Variants in UBE2R2 observed in about 807,000 individuals in gnomAD.
UBE2R2 encodes ubiquitin conjugating enzyme E2 R2.
In UBE2R2, 1 loss-of-function variant was observed where a neutral mutation model predicts 27.8. That is an observed-to-expected ratio of 0.04 (90% CI 0.01 to 0.17). The LOEUF (loss-of-function observed/expected upper bound fraction) is 0.17. Ranked by LOEUF, UBE2R2 falls within the 10% of genes least tolerant of loss-of-function variation. The probability of loss-of-function intolerance (pLI) is 1.00; values close to 1 mark genes in which losing one functional copy is unlikely to be tolerated. For missense variants in UBE2R2, 100 were observed against 291.0 expected, an observed-to-expected ratio of 0.34 and a Z score of 4.78; for synonymous variants, 106 against 113.3, an observed-to-expected ratio of 0.94 and a Z score of 0.41.
chr9:33,884,266 C>G (rs2130793902), intron 1 of UBE2R2, among the ~76,000 whole-genome samples: 1 of 137,714 alleles, frequency 7.3e-6, no homozygotes, highest in Admixed American at 7.6e-5. Context: ...TACCCCCAAC[C>G]CCTTTATTTT....
intron 1 of UBE2R2, among the ~76,000 whole-genome samples, chr9:33,832,013 TAATA>T (rs748597970): frequency 2.0e-5 from 3 of 151,600 alleles, no homozygotes; most frequent in Non-Finnish European, 4.4e-5. Context: ...TAGCAATCAC[TAATA>T]AATTATTTAG....
At chr9:33,906,493 A>G (rs1587482090) in intron 3 of UBE2R2, among the ~76,000 whole-genome samples, 2 of 152,076 alleles carry the variant, frequency 1.3e-5, no homozygotes, top group South Asian at 4.1e-4. Flanking sequence ...GGGATGATAT[A>G]TACATGGGAG....
chr9:33,918,512 TC>T lies in UBE2R2; in HGVS notation c.*1277del, dbSNP rs1822713128. 1 of 152,066 alleles carries T rather than the reference TC, an allele frequency of 6.6e-6. No individual in the cohort carries two copies. The highest frequency in any genetic ancestry group is 2.4e-5 in the African/African-American group (1 of 41,398). 9.4% of individuals were successfully genotyped at this position (152,066 alleles called of 1,614,324 possible). On this transcript the variant is annotated 3_prime_UTR_variant, in exon 5 of 5. Coordinates refer to ENST00000263228, the MANE Select transcript of UBE2R2 (RefSeq NM_017811.4). ...TTTTAGGCCAGATAAGGCTAGATCT[TC>T]CTGCAATGCACTTGCTGCAGCTTTG...
At chr9:33,835,207 G>A (rs1189748802) in intron 1 of UBE2R2, among the ~76,000 whole-genome samples, 1 of 140,908 alleles carries the variant, frequency 7.1e-6, no homozygotes, top group Non-Finnish European at 1.5e-5. Context: ...GAGTTTAATG[G>A]CATGATCTTG....
rs146501058 is a variant in UBE2R2, at chr9:33,883,282, C to T, written c.178-3599C>T. ...TCAATTCATTGTTGACACTGTCTAC[C>T]TGGAGATAACATCAGATTCTATAGG... On this transcript the variant is annotated intron_variant, in intron 1 of 4. Transcript: ENST00000263228. Among the ~76,000 whole-genome samples, 55 of 152,154 alleles carry T rather than the reference C, an allele frequency of 3.6e-4. 1 individual carries two copies. In the East Asian group the frequency reaches 8.3e-3, roughly 23 times the overall value.
upstream of UBE2R2, among the ~76,000 whole-genome samples, chr9:33,815,988 C>T (rs1238044833): frequency 6.6e-6 from 1 of 151,980 alleles, no homozygotes; most frequent in African/African-American, 2.4e-5. Flanking sequence ...GTGGGAGAAT[C>T]GCTTGAACCT....
At chr9:33,841,382 A>G (rs1820730235) in intron 1 of UBE2R2, among the ~76,000 whole-genome samples, 1 of 152,050 alleles carries the variant, frequency 6.6e-6, no homozygotes, top group South Asian at 2.1e-4. Flanking sequence ...GCCCAGCCTT[A>G]TGTCTTTGGC....
At chr9:33,849,818 T>G (rs1453079485) in intron 1 of UBE2R2, among the ~76,000 whole-genome samples, 5 of 151,872 alleles carry the variant, frequency 3.3e-5, no homozygotes, top group African/African-American at 1.2e-4. Flanking sequence ...GCCAAGATCT[T>G]ACTACTGCGC....
chr9:33,817,990 G>T (rs561478024), intron 1 of UBE2R2, 56 bp downstream of exon 1: 1 of 1,571,050 alleles, frequency 6.4e-7, no homozygotes, highest in East Asian at 2.5e-5. Context: ...CCGGCTCCCC[G>T]CCGCTTTCTG....
chr9:33,840,058 T>G (rs1026208865), intron 1 of UBE2R2, among the ~76,000 whole-genome samples: 17 of 152,162 alleles, frequency 1.1e-4, no homozygotes, highest in Non-Finnish European at 1.3e-4. Context: ...TATAGCAGCT[T>G]GAATGAACTA....
chr9:33,861,871 T>TA (rs1821245391), intron 1 of UBE2R2, among the ~76,000 whole-genome samples: 1 of 147,636 alleles, frequency 6.8e-6, no homozygotes. Flanking sequence ...TTTTTTTTTT[T>TA]AAGACGGAGT....
chr9:33,859,921 C>G (rs1821192003), intron 1 of UBE2R2, among the ~76,000 whole-genome samples: 2 of 151,850 alleles, frequency 1.3e-5, no homozygotes, highest in South Asian at 4.2e-4. Flanking sequence ...ATCTTTCTAC[C>G]TCACCTTCCC....
chr9:33,920,356 A>G lies in UBE2R2; in HGVS notation c.*3119A>G, dbSNP rs982467923. ...TTTGTCTTTTTCTGCCCATCTGTCT[A>G]CTAATAAAATGTGAAATAAAATACC... On this transcript the variant is annotated 3_prime_UTR_variant, in exon 5 of 5. Coordinates refer to ENST00000263228, the MANE Select transcript of UBE2R2 (RefSeq NM_017811.4). The G allele has an allele frequency of 2.1e-5, 3 of 143,036 alleles. No homozygotes were observed. Among genetic ancestry groups the G allele is most frequent in the Non-Finnish European group, 4.4e-5 (3 of 67,562 alleles). 8.9% of individuals were successfully genotyped at this position (143,036 alleles called of 1,614,324 possible). A position where few individuals can be genotyped will look rare whatever the true frequency, so the allele number is the denominator to read the frequency against.
In UBE2R2 at chr9:33,829,958, C is replaced by T. The variant is rs181441457; in HGVS notation, c.177+12024C>T. ...GACTATAGGCATGTGCCACCACGCC[C>T]GGCTAATTTTGTACTTTTAGTAGAG... On this transcript the variant is annotated intron_variant, in intron 1 of 4. Coordinates refer to ENST00000263228, the MANE Select transcript of UBE2R2 (RefSeq NM_017811.4). Among the ~76,000 whole-genome samples the T allele has an allele frequency of 1.3e-3, 194 of 151,898 alleles. 1 individual carries two copies. The highest frequency in any genetic ancestry group is 9.1e-3 in the South Asian group (44 of 4,816).
rs1276144582 is a variant in UBE2R2 at position 33,917,790 on chromosome 9, C to CTGTT, written c.*555_*558dup. On this transcript the variant is annotated 3_prime_UTR_variant, in exon 5 of 5. Coordinates refer to ENST00000263228, the MANE Select transcript of UBE2R2 (RefSeq NM_017811.4). ...TCGTTCAGCCCCATGGTGGTGAATT[C>CTGTT]TGTTTCTTTCCTTTCCTAAGGCTGG... The CTGTT allele has an allele frequency of 3.9e-5, 6 of 154,924 alleles. No individual in the cohort carries two copies. Among genetic ancestry groups the CTGTT allele is most frequent in the African/African-American group, 1.5e-4 (6 of 41,286 alleles). 9.6% of individuals were successfully genotyped at this position (154,924 alleles called of 1,614,324 possible).
intron 1 of UBE2R2, among the ~76,000 whole-genome samples, chr9:33,873,614 C>T (rs754226182): frequency 3.3e-5 from 5 of 152,052 alleles, no homozygotes; most frequent in Non-Finnish European, 7.4e-5. Context: ...TACACAATTT[C>T]GAATGAAAAA....
chr9:33,888,633 C>T (rs1821916233), intron 2 of UBE2R2, among the ~76,000 whole-genome samples: 1 of 152,198 alleles, frequency 6.6e-6, no homozygotes, highest in Non-Finnish European at 1.5e-5. Flanking sequence ...TCTCCTGTCT[C>T]AGCTTCTTGG....
chr9:33,840,530 A>C (rs1312451371), intron 1 of UBE2R2, among the ~76,000 whole-genome samples: 2 of 152,014 alleles, frequency 1.3e-5, no homozygotes, highest in Non-Finnish European at 2.9e-5. Context: ...TATTTTGCAA[A>C]TTGGTTACTG....
intron 1 of UBE2R2, among the ~76,000 whole-genome samples, chr9:33,871,604 G>GTT (rs1433374856): frequency 1.3e-5 from 2 of 152,156 alleles, no homozygotes; most frequent in Non-Finnish European, 2.9e-5. Flanking sequence ...TTATGAGTTT[G>GTT]CGTATTAGTC....
Sources: gnomAD v4.1 joint callset for allele counts (sites outside exome capture counted in the v4.1 genomes callset) on GRCh38, gnomAD v4.1.1 for gene constraint, MANE v1.5 for transcripts, NCBI Gene and HGNC (gene_info 2026-07-23, HGNC 2026-07-21) for gene names.